PCDHGA1: variants seen among roughly 807,000 people sequenced by gnomAD.
The protein encoded by PCDHGA1 is protocadherin gamma-A1.
PCDHGA1 carries 32 observed loss-of-function variants against 58.0 expected under a neutral mutation model. The observed-to-expected ratio is 0.55, with a 90% CI of 0.42 to 0.74. The LOEUF (loss-of-function observed/expected upper bound fraction) is 0.74, where lower values mean the gene tolerates loss of function less well. Ranked by LOEUF, PCDHGA1 falls within the 30% of genes least tolerant of loss-of-function variation. The pLI, the probability that PCDHGA1 is intolerant of heterozygous loss-of-function variation, is 0.00. For missense variants in PCDHGA1, 1,205 were observed against 1,182.3 expected (o/e 1.02, Z -0.28); for synonymous variants, 498 against 501.1 (o/e 0.99, Z 0.08).
intron 1 of PCDHGA1, chr5:141,398,694 T>A: frequency 6.2e-7 from 1 of 1,613,868 alleles, no homozygotes; most frequent in Non-Finnish European, 8.5e-7. Context: ...AGGATGGTAG[T>A]AAATACCCGG....
chr5:141,509,292 T>A (rs1407798154), intron 3 of PCDHGA1, among the ~76,000 whole-genome samples: 1 of 152,028 alleles, frequency 6.6e-6, no homozygotes, highest in Non-Finnish European at 1.5e-5. Context: ...GGGTCCAGGG[T>A]GGAGGCAGAG....
At chr5:141,468,744 T>G (rs113912306) in intron 1 of PCDHGA1, among the ~76,000 whole-genome samples, 5,602 of 152,138 alleles carry the variant, frequency 0.037, 142 homozygotes, top group South Asian at 0.077. Flanking sequence ...CGGGTGCCTG[T>G]AGTCCCAGCT....
At chr5:141,473,189 A>G (rs1049891105) in intron 1 of PCDHGA1, among the ~76,000 whole-genome samples, 2 of 152,198 alleles carry the variant, frequency 1.3e-5, no homozygotes, top group Admixed American at 6.5e-5. Flanking sequence ...GAAGGAGTAA[A>G]TGTATCTTCT....
At chr5:141,425,209 A>G (rs2096861765) in intron 1 of PCDHGA1, among the ~76,000 whole-genome samples, 1 of 152,180 alleles carries the variant, frequency 6.6e-6, no homozygotes, top group African/African-American at 2.4e-5. Context: ...GATGTAAGGC[A>G]TTGTACTTTG....
intron 3 of PCDHGA1, 126 bp downstream of exon 3, chr5:141,505,607 T>A: frequency 6.5e-7 from 1 of 1,528,684 alleles, no homozygotes. Flanking sequence ...TCGGCAGGTC[T>A]GAAAGGACCC....
chr5:141,338,927 C>G (rs777682402), intron 1 of PCDHGA1: 5 of 1,519,746 alleles, frequency 3.3e-6, no homozygotes, highest in Non-Finnish European at 3.5e-6. Context: ...GGAATCCGCA[C>G]TGGATGCTGG....
chr5:141,337,315 G>T (rs144898175), intron 1 of PCDHGA1, among the ~76,000 whole-genome samples: 31 of 152,108 alleles, frequency 2.0e-4, no homozygotes, highest in African/African-American at 7.5e-4. Flanking sequence ...ACAGATATTT[G>T]TACACCTATG....
chr5:141,346,157 C>A, intron 1 of PCDHGA1: 6 of 1,614,004 alleles, frequency 3.7e-6, no homozygotes, highest in Non-Finnish European at 5.1e-6. Flanking sequence ...TGGCCTTCGT[C>A]ATCGTGCTGC....
chr5:141,395,448 T>C, intron 1 of PCDHGA1: 1 of 647,116 alleles, frequency 1.5e-6, no homozygotes, highest in Non-Finnish European at 2.5e-6. Flanking sequence ...GAAAAGATTG[T>C]TCAACCATTT....
intron 1 of PCDHGA1, chr5:141,388,337 A>C: frequency 6.2e-7 from 1 of 1,613,990 alleles, no homozygotes; most frequent in Non-Finnish European, 8.5e-7. Context: ...CTGGCACACG[A>C]TTTATATTAG....
intron 1 of PCDHGA1, chr5:141,415,071 G>T: frequency 6.2e-7 from 1 of 1,613,422 alleles, no homozygotes; most frequent in East Asian, 2.2e-5. Flanking sequence ...AGGTGCGCAC[G>T]GCGCGAGCCC....
intron 1 of PCDHGA1, chr5:141,478,305 C>A (rs775282798): frequency 1.2e-6 from 2 of 1,613,974 alleles, no homozygotes; most frequent in Non-Finnish European, 8.5e-7. Flanking sequence ...TACCGAGCCC[C>A]GGTGAGCTCA....
At chr5:141,362,229 G>A (rs900469098) in intron 1 of PCDHGA1, 22 of 1,613,912 alleles carry the variant, frequency 1.4e-5, no homozygotes, top group Non-Finnish European at 1.9e-5. Flanking sequence ...CCTTGGCCTT[G>A]ATCTCAGTGC....
At chr5:141,417,699 C>A (rs2096148616) in intron 1 of PCDHGA1, 1 of 1,164,548 alleles carries the variant, frequency 8.6e-7, no homozygotes, top group Non-Finnish European at 1.2e-6. Context: ...AACCAGCTCC[C>A]ACACAGAGGC....
intron 1 of PCDHGA1, chr5:141,399,518 G>C (rs2093824828): frequency 6.2e-7 from 1 of 1,613,994 alleles, no homozygotes. Flanking sequence ...AACCCTCCTG[G>C]GGCCTCCATC....
At chr5:141,421,767 C>T in intron 1 of PCDHGA1, 2 of 1,613,906 alleles carry the variant, frequency 1.2e-6, no homozygotes, top group South Asian at 1.1e-5. Context: ...ATTACTTTTC[C>T]TTGCAACTGC....
At chr5:141,366,288 C>G (rs1020562585) in intron 1 of PCDHGA1, 1 of 1,613,748 alleles carries the variant, frequency 6.2e-7, no homozygotes, top group Non-Finnish European at 8.5e-7. Flanking sequence ...GGCCAGCCCC[C>G]TCTGTCAGCC....
chr5:141,443,938 G>T (rs1330111540), intron 1 of PCDHGA1, among the ~76,000 whole-genome samples: 1 of 152,014 alleles, frequency 6.6e-6, no homozygotes, highest in Non-Finnish European at 1.5e-5. Context: ...CTCACAGCAG[G>T]TTTCCTTATT....
intron 1 of PCDHGA1, chr5:141,426,204 T>C (rs10046053): frequency 0.11 from 17,599 of 155,696 alleles, 1,197 homozygotes; most frequent in African/African-American, 0.19. Flanking sequence ...TTGAGTTTTC[T>C]ATGTATGGAA....
Sources: gnomAD v4.1 joint callset for allele counts (sites outside exome capture counted in the v4.1 genomes callset) on GRCh38, gnomAD v4.1.1 for gene constraint, MANE v1.5 for transcripts, NCBI Gene and HGNC (gene_info 2026-07-23, HGNC 2026-07-21) for gene names.